ZFP82: variants seen among roughly 807,000 people sequenced by gnomAD.
The protein encoded by ZFP82 is ZFP82 zinc finger protein.
In ZFP82, 30 loss-of-function variants were observed where a neutral mutation model predicts 54.0. That is an observed-to-expected ratio of 0.56 (90% CI 0.42 to 0.75). The LOEUF is 0.75. Among genes scored for constraint, ZFP82 ranks in the 30% least tolerant of loss-of-function variants. The pLI, the probability that ZFP82 is intolerant of heterozygous loss-of-function variation, is 0.00. For synonymous variants in ZFP82, 194 were observed against 209.5 expected, an observed-to-expected ratio of 0.93 and a Z score of 0.64; for missense variants, 500 against 636.8, an observed-to-expected ratio of 0.79 and a Z score of 2.31.
chr19:36,390,674 G>A lies in ZFP82; in HGVS notation c.*2067C>T, dbSNP rs6417185. 0.68 allele frequency: 103,188 copies of A among 151,994 alleles called. 35,296 individuals are homozygous for A. Among genetic ancestry groups the A allele is most frequent in the African/African-American group, 0.76 (31,315 of 41,464 alleles). 9.4% of individuals were successfully genotyped at this position (151,994 alleles called of 1,614,324 possible). Reference sequence around the variant, plus strand: ...ATCCATTTTTCACCTAATGGTCTTCGCATCCATTGCTATCACCACGAAAAT... The same window carrying A: ...ATCCATTTTTCACCTAATGGTCTTCACATCCATTGCTATCACCACGAAAAT... On this transcript the variant is annotated 3_prime_UTR_variant, in exon 5 of 5. Coordinates refer to ENST00000392161, the MANE Select transcript of ZFP82 (RefSeq NM_133466.4).
chr19:36,415,769 C>A, intron 1 of ZFP82, among the ~76,000 whole-genome samples: 1 of 152,166 alleles, frequency 6.6e-6, no homozygotes, highest in Middle Eastern at 3.2e-3. Context: ...AATTGTGATT[C>A]TATAAGCCTG....
chr19:36,386,636 C>T (rs1470641652), downstream of ZFP82, among the ~76,000 whole-genome samples: 2 of 152,178 alleles, frequency 1.3e-5, no homozygotes, highest in East Asian at 1.9e-4. Flanking sequence ...CTTCTGGAGC[C>T]TTAAGAGTTA....
At chr19:36,400,510 T>G (rs2032365527) in intron 4 of ZFP82, among the ~76,000 whole-genome samples, 1 of 152,194 alleles carries the variant, frequency 6.6e-6, no homozygotes. Flanking sequence ...CCATTGATGC[T>G]CTCACATTCT....
chr19:36,409,496 C>T (rs1323316090), intron 2 of ZFP82, among the ~76,000 whole-genome samples: 1 of 152,096 alleles, frequency 6.6e-6, no homozygotes, highest in Non-Finnish European at 1.5e-5. Context: ...GCTAAATGGG[C>T]CCATGGTCAA....
At chr19:36,404,369 A>C (rs577631851) in intron 4 of ZFP82, among the ~76,000 whole-genome samples, 1 of 152,062 alleles carries the variant, frequency 6.6e-6, no homozygotes, top group Non-Finnish European at 1.5e-5. Context: ...AGGCTGAAAG[A>C]CCCTTTTGCT....
At chr19:36,417,086 A>T (rs1201280154) in intron 1 of ZFP82, among the ~76,000 whole-genome samples, 1 of 150,538 alleles carries the variant, frequency 6.6e-6, no homozygotes, top group African/African-American at 2.4e-5. Context: ...AAAAAAAAAA[A>T]AAAAAAAAAA....
In ZFP82 at chr19:36,403,350, G is replaced by A. The variant is rs1222757186; in HGVS notation, c.229+2230C>T. 8.0e-5 allele frequency among the ~76,000 whole-genome samples: 9 copies of A among 112,682 alleles called. No individual in the cohort carries two copies. The South Asian group carries it at 8.6e-4, about 11-fold the overall frequency. The allele number at this position is 112,682 out of a possible 152,430, so 73.9% of individuals were successfully genotyped here. A position where few individuals can be genotyped will look rare whatever the true frequency, so the allele number is the denominator to read the frequency against. The stretch of plus-strand genomic sequence containing the variant: ...AAAAAAAAAAAAAAAAAGGCCAGGC[G>A]CGGTGGCTCACACCTGTAATCCCAG... On this transcript the variant is annotated intron_variant, in intron 4 of 4. Transcript: ENST00000392161.
At chr19:36,401,115 G>GTCCCTCTT (rs759363804) in intron 4 of ZFP82, among the ~76,000 whole-genome samples, 1 of 119,900 alleles carries the variant, frequency 8.3e-6, no homozygotes, top group Non-Finnish European at 1.8e-5. Context: ...CTCTTTTGTT[G>GTCCCTCTT]TCCCTCTTTC....
intron 4 of ZFP82, among the ~76,000 whole-genome samples, chr19:36,398,849 C>T (rs946854637): frequency 4.6e-5 from 7 of 152,054 alleles, no homozygotes; most frequent in Non-Finnish European, 8.8e-5. Context: ...TGTAATGATA[C>T]TTCCCTAAAT....
chr19:36,404,747 G>A (rs1408863512), intron 4 of ZFP82, among the ~76,000 whole-genome samples: 2 of 152,206 alleles, frequency 1.3e-5, no homozygotes, highest in African/African-American at 2.4e-5. Flanking sequence ...TCCCTCCCTC[G>A]AAATGCCCGT....
At chr19:36,408,765 C>G (rs1218561444) in intron 2 of ZFP82, among the ~76,000 whole-genome samples, 1 of 151,698 alleles carries the variant, frequency 6.6e-6, no homozygotes, top group Non-Finnish European at 1.5e-5. Context: ...TGTGGTGAGC[C>G]AAGATCACAC....
In ZFP82 at chr19:36,391,475, T is replaced by G. The variant is rs906557838; in HGVS notation, c.*1266A>C. 8.6e-5 allele frequency: 13 copies of G among 151,150 alleles called. No individual in the cohort carries two copies. The highest frequency in any genetic ancestry group is 5.3e-4 in the Admixed American group (8 of 15,204). The allele number at this position is 151,150 out of a possible 1,614,324, so 9.4% of individuals were successfully genotyped here. A position where few individuals can be genotyped will look rare whatever the true frequency, so the allele number is the denominator to read the frequency against. Reference sequence around the variant, plus strand: ...GGGCCAGAGAATACTGATTGTAGTTTTTTTTTTTTTTTGAGACAGGGTCTT... The same window carrying G: ...GGGCCAGAGAATACTGATTGTAGTTGTTTTTTTTTTTTGAGACAGGGTCTT... On this transcript the variant is annotated 3_prime_UTR_variant, in exon 5 of 5. Coordinates refer to ENST00000392161, the MANE Select transcript of ZFP82 (RefSeq NM_133466.4).
downstream of ZFP82, chr19:36,384,298 T>C (rs1213700563): frequency 6.6e-6 from 1 of 152,206 alleles, no homozygotes; most frequent in East Asian, 1.9e-4. Context: ...TCTATTCTAT[T>C]GAAAAGTATC....
intron 1 of ZFP82, among the ~76,000 whole-genome samples, chr19:36,416,182 A>T (rs532964612): frequency 1.3e-5 from 2 of 152,326 alleles, no homozygotes; most frequent in Admixed American, 1.3e-4. Flanking sequence ...AATGGCAAAA[A>T]GCTGCATCAC....
chr19:36,400,024 T>C (rs1448389241), intron 4 of ZFP82, among the ~76,000 whole-genome samples: 2 of 152,192 alleles, frequency 1.3e-5, no homozygotes, highest in African/African-American at 4.8e-5. Context: ...ATTTGAATGT[T>C]CTAAGTTAAA....
intron 1 of ZFP82, among the ~76,000 whole-genome samples, chr19:36,411,319 A>C (rs1350145233): frequency 6.6e-6 from 1 of 152,186 alleles, no homozygotes; most frequent in Admixed American, 6.5e-5. Context: ...TCTGAAACCC[A>C]GAATTTCTAT....
chr19:36,401,103 A>C (rs970027123), intron 4 of ZFP82, among the ~76,000 whole-genome samples: 2 of 121,746 alleles, frequency 1.6e-5, no homozygotes, highest in South Asian at 2.7e-4. Context: ...CTCCTTCTTT[A>C]TCTCTTTTGT....
chr19:36,402,446 A>T (rs1475300044), intron 4 of ZFP82, among the ~76,000 whole-genome samples: 1 of 131,790 alleles, frequency 7.6e-6, no homozygotes, highest in Admixed American at 8.7e-5. Context: ...TCCAGCCTGG[A>T]CAGAAGAGCG....
chr19:36,405,994 C>T (rs753307973), intron 3 of ZFP82, among the ~76,000 whole-genome samples: 4 of 152,170 alleles, frequency 2.6e-5, no homozygotes, highest in Admixed American at 1.3e-4. Flanking sequence ...TACTTCCATG[C>T]TACCTTTTCC....
Sources: gnomAD v4.1 joint callset for allele counts (sites outside exome capture counted in the v4.1 genomes callset) on GRCh38, gnomAD v4.1.1 for gene constraint, MANE v1.5 for transcripts, NCBI Gene and HGNC (gene_info 2026-07-23, HGNC 2026-07-21) for gene names.